The following DMD variants were observed in gnomAD, a reference collection of about 807,000 sequenced individuals.
DMD encodes mutant dystrophin.
In DMD, 63 loss-of-function variants were observed where a neutral mutation model predicts 330.1. The ratio of observed to expected loss-of-function variants is 0.19; its 90% CI spans 0.16 to 0.24. The LOEUF is 0.24. DMD is among the 10% of genes least tolerant of loss of function. The pLI is 1.00. For synonymous variants in DMD, 1,223 were observed against 959.8 expected (o/e 1.27, Z -5.07); for missense variants, 3,344 against 2,684.1 (o/e 1.25, Z -5.43).
At chrX:33,275,698 T>C (rs747723393) in intron 1 of DMD, among the ~76,000 whole-genome samples, 23 of 111,594 alleles carry the variant, frequency 2.1e-4, no homozygotes, top group Non-Finnish European at 3.4e-4. Flanking sequence ...TAGTAAGACT[T>C]GGACTAAATG....
intron 10 of DMD, 60 bp downstream of exon 10, chrX:32,644,904 G>A (rs1248196836): frequency 2.6e-6 from 3 of 1,148,136 alleles, no homozygotes; most frequent in Non-Finnish European, 3.6e-6. Flanking sequence ...GAGGAAAAAG[G>A]ATGACTTGCC....
At chrX:32,716,816 C>T (rs952618769) in intron 7 of DMD, among the ~76,000 whole-genome samples, 4 of 111,370 alleles carry the variant, frequency 3.6e-5, no homozygotes, top group South Asian at 3.8e-4. Flanking sequence ...AGGTCACTCT[C>T]GCAATGCTTT....
chrX:33,135,396 A>G (rs901789543), intron 1 of DMD, among the ~76,000 whole-genome samples: 2 of 112,212 alleles, frequency 1.8e-5, no homozygotes, highest in African/African-American at 6.5e-5. Flanking sequence ...ATCTGCTCAA[A>G]AATTTTATAA....
rs370595952 is a variant in DMD at position 32,596,974 on chromosome X, C to A, written c.1483-1098G>T. On this transcript the variant is annotated intron_variant, in intron 12 of 78. Coordinates refer to ENST00000357033, the MANE Select transcript of DMD (RefSeq NM_004006.3). ...TAAGAAAGAAAATTTAACTTCTCTACCTGAAATTCTTATATGATCTAGCAC... is the reference window on the plus strand; with the variant it reads ...TAAGAAAGAAAATTTAACTTCTCTAACTGAAATTCTTATATGATCTAGCAC... Among the ~76,000 whole-genome samples, 15 of 111,686 alleles carry A rather than the reference C, an allele frequency of 1.3e-4. No homozygotes were observed. The East Asian group carries it at 4.0e-3, about 29-fold the overall frequency.
chrX:31,835,952 G>A (rs2149490988), intron 49 of DMD, among the ~76,000 whole-genome samples: 1 of 111,770 alleles, frequency 8.9e-6, no homozygotes, highest in African/African-American at 3.3e-5. Flanking sequence ...TCATCATAAT[G>A]GGAGCCATTA....
At chrX:31,767,641 T>C (rs189396613) in intron 51 of DMD, among the ~76,000 whole-genome samples, 1 of 111,939 alleles carries the variant, frequency 8.9e-6, no homozygotes, top group African/African-American at 3.2e-5. Context: ...ACATTCTGTT[T>C]TGTATTGCTT....
chrX:32,579,261 T>G (rs1309105603), intron 13 of DMD, among the ~76,000 whole-genome samples: 1 of 112,218 alleles, frequency 8.9e-6, no homozygotes, highest in Non-Finnish European at 1.9e-5. Context: ...AAACAACTAC[T>G]GGAAGTTTTT....
At chrX:32,408,478 A>C (rs1246982817) in intron 30 of DMD, among the ~76,000 whole-genome samples, 2 of 111,936 alleles carry the variant, frequency 1.8e-5, no homozygotes, top group African/African-American at 6.5e-5. Context: ...GCATTTCCTT[A>C]GTGCCATAGC....
chrX:33,013,834 T>C (rs183750897), intron 2 of DMD, among the ~76,000 whole-genome samples: 1,321 of 111,841 alleles, frequency 0.012, 23 homozygotes, highest in African/African-American at 0.04. Flanking sequence ...TGTGTGTGTG[T>C]GCGCGCACGC....
intron 1 of DMD, among the ~76,000 whole-genome samples, chrX:33,305,564 T>C (rs2053748571): frequency 1.1e-5 from 1 of 91,287 alleles, no homozygotes; most frequent in Admixed American, 1.3e-4. Context: ...ACTTAGAGTA[T>C]AATAATAATA....
At chrX:32,428,759 G>A (rs768013076) in intron 29 of DMD, among the ~76,000 whole-genome samples, 1 of 110,834 alleles carries the variant, frequency 9.0e-6, no homozygotes, top group South Asian at 3.8e-4. Flanking sequence ...CTACAGGCGT[G>A]CACCACCACA....
chrX:31,924,302 C>T (rs1250673407), intron 47 of DMD, among the ~76,000 whole-genome samples: 1 of 112,058 alleles, frequency 8.9e-6, no homozygotes, highest in African/African-American at 3.2e-5. Flanking sequence ...CAAGCTCTAG[C>T]TTTATTTAAT....
chrX:32,061,684 G>A (rs2096226331), intron 44 of DMD, among the ~76,000 whole-genome samples: 1 of 110,947 alleles, frequency 9.0e-6, no homozygotes, highest in South Asian at 3.8e-4. Context: ...TTGTTCCCTG[G>A]GGTCATTTCC....
chrX:33,246,361 T>C (rs1320524932), intron 1 of DMD, among the ~76,000 whole-genome samples: 1 of 111,469 alleles, frequency 9.0e-6, no homozygotes, highest in Non-Finnish European at 1.9e-5. Context: ...AACAGAGTTG[T>C]TTCATTTATA....
At chrX:33,258,858 T>C (rs2052903222) in intron 1 of DMD, among the ~76,000 whole-genome samples, 1 of 111,265 alleles carries the variant, frequency 9.0e-6, no homozygotes, top group Admixed American at 9.6e-5. Flanking sequence ...CAGGACTGTC[T>C]AGACTTTGGT....
chrX:31,693,847 T>A (rs901570400), intron 52 of DMD, among the ~76,000 whole-genome samples: 2 of 111,735 alleles, frequency 1.8e-5, no homozygotes, highest in African/African-American at 6.5e-5. Context: ...CATAAAGCAA[T>A]CTAAAGATTC....
intron 30 of DMD, among the ~76,000 whole-genome samples, chrX:32,404,955 A>G (rs1170677627): frequency 8.9e-6 from 1 of 111,747 alleles, no homozygotes; most frequent in East Asian, 2.8e-4. Context: ...CCCATTTTCC[A>G]TTAGAGGAAA....
chrX:32,133,262 T>C (rs1184988583), intron 44 of DMD, among the ~76,000 whole-genome samples: 5 of 110,184 alleles, frequency 4.5e-5, no homozygotes, highest in African/African-American at 1.7e-4. Context: ...CGCCTCGGCC[T>C]CCCAAAGTAC....
At chrX:33,078,782 C>T (rs754657049) in intron 1 of DMD, among the ~76,000 whole-genome samples, 6 of 111,774 alleles carry the variant, frequency 5.4e-5, no homozygotes, top group East Asian at 2.8e-4. Flanking sequence ...TGGTTACTTC[C>T]GTGGCACACA....
Sources: gnomAD v4.1 joint callset for allele counts (sites outside exome capture counted in the v4.1 genomes callset) on GRCh38, gnomAD v4.1.1 for gene constraint, MANE v1.5 for transcripts, NCBI Gene and HGNC (gene_info 2026-07-23, HGNC 2026-07-21) for gene names.